Variants in BRD4 observed in about 807,000 individuals in gnomAD.
BRD4 encodes bromodomain-containing protein 4.
Under a neutral mutation model 142.1 loss-of-function variants are expected in BRD4, and 16 were observed. That is an observed-to-expected ratio of 0.11 (90% CI 0.08 to 0.17). The LOEUF is 0.17. Among genes scored for constraint, BRD4 ranks in the 10% least tolerant of loss-of-function variants. BRD4 has a pLI of 1.00. For missense variants in BRD4, 1,424 were observed against 1,810.9 expected, an observed-to-expected ratio of 0.79 and a Z score of 3.88; for synonymous variants, 833 against 707.5, an observed-to-expected ratio of 1.18 and a Z score of -2.82.
intron 11 of BRD4, 183 bp from the exon 12 acceptor site, chr19:15,244,945 T>C: frequency 1.5e-5 from 16 of 1,080,826 alleles, no homozygotes; most frequent in Non-Finnish European, 2.1e-5. Context: ...ATGCGAGGCA[T>C]CACCTACCCA....
At chr19:15,253,631 G>A in intron 11 of BRD4, 2 of 1,596,968 alleles carry the variant, frequency 1.3e-6, no homozygotes, top group East Asian at 2.2e-5. Context: ...GTGATGGCAG[G>A]GCCAGCAGCA....
In BRD4 at chr19:15,238,839, G is replaced by A; in HGVS notation, c.3924C>T (p.Ala1308=). 3 of 1,602,870 alleles carry A rather than the reference G, an allele frequency of 1.9e-6. No individual in the cohort carries two copies. The highest frequency in any genetic ancestry group is 2.6e-6 in the Non-Finnish European group (3 of 1,175,126). Residue 1308 remains alanine, a synonymous_variant, in exon 19 of 20, where the codon GCC becomes GCT. Coordinates refer to ENST00000679869, the MANE Select transcript of BRD4 (RefSeq NM_001379291.1). The surrounding 1 kb of genome is among the most constrained non-coding windows in gnomAD (Gnocchi z 7.2). ...GCTGGGAGCTCTGGGCCTGTGGGGT[G>A]GCGGCGGCAGCCACCGCAGCTGCTT... ...QQQAAAVAAA[A]TPQAQSSQPQ... is the part of the protein sequence containing the mutation.
At position 15,238,497 on chromosome 19, in the gene BRD4, G is replaced by A. The variant is rs1451382625; in HGVS notation, c.4021-52C>T. 4 of 1,612,488 alleles carry A rather than the reference G, an allele frequency of 2.5e-6. No homozygotes were observed. Among genetic ancestry groups the A allele is most frequent in the Middle Eastern group, 3.7e-4 (2 of 5,478 alleles). On this transcript the variant is annotated intron_variant, in intron 19 of 19. Transcript: ENST00000679869. The surrounding 1 kb of genome is among the most constrained non-coding windows in gnomAD (Gnocchi z 7.2). ...AGGAGGATGACCTAGCCACCCTGCA[G>A]CTACAAGCCCTCATACCCGCTACCA...
chr19:15,247,736 G>T, intron 11 of BRD4: 1 of 233,090 alleles, frequency 4.3e-6, no homozygotes, highest in East Asian at 6.0e-5. Context: ...TCAGGCAGGC[G>T]GGACTGCAAC....
chr19:15,240,108 G>C, intron 14 of BRD4, 86 bp from the exon 15 acceptor site: 1 of 1,501,104 alleles, frequency 6.7e-7, no homozygotes, highest in Non-Finnish European at 8.9e-7. Context: ...AACGTGGGCT[G>C]TATGGAGAAA....
chr19:15,255,271 C>T, intron 10 of BRD4, 26 bp downstream of exon 10: 1 of 1,597,750 alleles, frequency 6.3e-7, no homozygotes, highest in Non-Finnish European at 8.6e-7. Context: ...CAGAAGGAAC[C>T]CCATGCCCAG....
chr19:15,262,524 T>TAAAAAAAAAAA (rs559468375), intron 7 of BRD4, among the ~76,000 whole-genome samples: 1 of 97,784 alleles, frequency 1.0e-5, no homozygotes, highest in Non-Finnish European at 2.2e-5. Flanking sequence ...CCCATCTCTT[T>TAAAAAAAAAAA]AAAAAAAAAA....
intron 1 of BRD4, among the ~76,000 whole-genome samples, chr19:15,322,509 A>G (rs1310752180): frequency 6.6e-6 from 1 of 150,416 alleles, no homozygotes; most frequent in Non-Finnish European, 1.5e-5. Context: ...GGAGATCGAG[A>G]GCATCCTGGC....
At chr19:15,319,824 A>G (rs1404264418) in intron 1 of BRD4, among the ~76,000 whole-genome samples, 1 of 151,770 alleles carries the variant, frequency 6.6e-6, no homozygotes, top group Non-Finnish European at 1.5e-5. Context: ...TAGCCCAGTT[A>G]CTTAGGAAGC....
At chr19:15,296,625 A>C (rs2047825150) in intron 1 of BRD4, among the ~76,000 whole-genome samples, 1 of 152,172 alleles carries the variant, frequency 6.6e-6, no homozygotes, top group African/African-American at 2.4e-5. Flanking sequence ...GCTGAAGTGG[A>C]CAGGGAGCCA....
At position 15,242,968 on chromosome 19, in the gene BRD4, G is replaced by T. The variant is rs1407531548; in HGVS notation, c.3101C>A (p.Ala1034Asp). The change falls in exon 14 of 20, where the codon GCC (alanine) becomes GAC (aspartate). Residue 1034 changes from alanine (A) to aspartate (D), a missense_variant. This residue lies in a region of BRD4 where 598 missense variants were observed against 647.8 expected (regional missense o/e 0.92). Transcript: ENST00000679869. ...PGQQPPPPQP[A>D]KPQQVIQHHH... ...GTGCTGGATGACTTGCTGAGGCTTG[G>T]CAGGCTGCGGCGGGGGTGGCTGCTG... 1 of 1,595,930 alleles carries T rather than the reference G, an allele frequency of 6.3e-7. No homozygotes were observed.
chr19:15,251,636 C>G (rs1044768282), intron 11 of BRD4, among the ~76,000 whole-genome samples: 1 of 152,160 alleles, frequency 6.6e-6, no homozygotes, highest in African/African-American at 2.4e-5. Context: ...CTCTGCCCCC[C>G]GCCCTGAGAG....
intron 7 of BRD4, 56 bp from the exon 8 acceptor site, chr19:15,257,229 C>G: frequency 6.7e-7 from 1 of 1,496,830 alleles, no homozygotes; most frequent in South Asian, 1.3e-5. Context: ...CGCGGCCTAG[C>G]ATCACCTGCC....
chr19:15,271,052 T>C (rs892894760), intron 2 of BRD4, among the ~76,000 whole-genome samples: 1 of 152,170 alleles, frequency 6.6e-6, no homozygotes, highest in Non-Finnish European at 1.5e-5. Flanking sequence ...GAGACTGACC[T>C]TGAACTCCCA....
intron 1 of BRD4, among the ~76,000 whole-genome samples, chr19:15,308,503 C>T (rs2047937540): frequency 6.6e-6 from 1 of 151,102 alleles, no homozygotes; most frequent in Non-Finnish European, 1.5e-5. Flanking sequence ...AGAACAATCG[C>T]TTGAACCCAG....
At chr19:15,244,948 C>T (rs998544352) in intron 11 of BRD4, 186 bp from the exon 12 acceptor site, 2 of 1,052,040 alleles carry the variant, frequency 1.9e-6, no homozygotes, top group East Asian at 2.6e-5. Flanking sequence ...CGAGGCATCA[C>T]CTACCCACTT....
intron 1 of BRD4, among the ~76,000 whole-genome samples, chr19:15,306,343 G>A (rs2047913622): frequency 6.6e-6 from 1 of 152,062 alleles, no homozygotes; most frequent in Admixed American, 6.6e-5. Flanking sequence ...ATCACAGCTC[G>A]CTGCAGCCTC....
chr19:15,289,683 A>G (rs1256343770), intron 1 of BRD4, among the ~76,000 whole-genome samples: 1 of 151,926 alleles, frequency 6.6e-6, no homozygotes, highest in Admixed American at 6.6e-5. Context: ...AAAAGAAAAA[A>G]AAAAGCCAAA....
chr19:15,274,359 C>T (rs557826926), intron 1 of BRD4, among the ~76,000 whole-genome samples: 1 of 152,248 alleles, frequency 6.6e-6, no homozygotes, highest in African/African-American at 2.4e-5. Flanking sequence ...CCAATGGGGA[C>T]AAGTGTGATG....
Sources: allele counts gnomAD v4.1 joint callset (sites outside exome capture counted in the v4.1 genomes callset), GRCh38; gene constraint gnomAD v4.1.1; regional missense constraint gnomAD v4.1.1; non-coding constraint Gnocchi (gnomAD v3.1); transcripts MANE v1.5; gene names NCBI Gene and HGNC (gene_info 2026-07-23, HGNC 2026-07-21).